Variants in ZC3H13 observed in about 807,000 individuals in gnomAD.
ZC3H13 encodes the protein zinc finger CCCH-type containing 13.
ZC3H13 carries 64 observed loss-of-function variants against 204.1 expected under a neutral mutation model. The ratio of observed to expected loss-of-function variants is 0.31; its 90% CI spans 0.26 to 0.39. ZC3H13 has a LOEUF of 0.39. ZC3H13 is among the 10% of genes least tolerant of loss of function. The pLI is 1.00. For missense variants in ZC3H13, 1,833 were observed against 2,082.7 expected (o/e 0.88, Z 2.33); for synonymous variants, 667 against 693.7 (o/e 0.96, Z 0.60).
intron 14 of ZC3H13, among the ~76,000 whole-genome samples, chr13:45,968,341 T>C (rs1952267151): frequency 1.3e-5 from 2 of 152,102 alleles, no homozygotes; most frequent in East Asian, 3.8e-4. Flanking sequence ...CATAAAATGA[T>C]TAGGCATTAA....
chr13:45,964,115 C>T, intron 16 of ZC3H13, 73 bp from the exon 17 acceptor site: 1 of 1,385,278 alleles, frequency 7.2e-7, no homozygotes, highest in East Asian at 2.3e-5. Context: ...TAGACATTTA[C>T]ATAAATCAAG....
chr13:46,011,290 T>C, intron 6 of ZC3H13, 125 bp downstream of exon 6: 1 of 750,292 alleles, frequency 1.3e-6, no homozygotes, highest in East Asian at 3.0e-5. Context: ...GTAGTACATA[T>C]ACAGTGGGTT....
chr13:45,982,162 TG>T (rs1330913451), intron 10 of ZC3H13, among the ~76,000 whole-genome samples: 11 of 151,788 alleles, frequency 7.2e-5, no homozygotes, highest in African/African-American at 2.4e-4. Flanking sequence ...AGAATACAAA[TG>T]TAACAGGCTT....
At position 45,979,872 on chromosome 13, in the gene ZC3H13, C is replaced by T; in HGVS notation, c.1853G>A (p.Arg618Lys). Residue 618 changes from arginine (R) to lysine (K), a missense_variant, in exon 11 of 19, where the codon AGG becomes AAG. Around this residue, in one of 5 missense-constraint regions of ZC3H13, gnomAD observed 1,574 missense variants for 1,757.2 expected, o/e 0.90. Coordinates refer to ENST00000679008, the MANE Select transcript of ZC3H13 (RefSeq NM_001330564.2). ...YPERDNRDQA[R>K]DSSFERRHGE... ...ATGTCTTCTCTCAAAGGAAGAATCC[C>T]TTGCTTGATCTCTGTTGTCTCTTTC... 1 of 1,607,968 alleles carries T rather than the reference C, an allele frequency of 6.2e-7. No homozygotes were observed. Among genetic ancestry groups the T allele is most frequent in the Non-Finnish European group, 8.5e-7 (1 of 1,177,174 alleles).
At chr13:46,037,999 T>A (rs534256688) in intron 4 of ZC3H13, among the ~76,000 whole-genome samples, 1 of 152,330 alleles carries the variant, frequency 6.6e-6, no homozygotes, top group Non-Finnish European at 1.5e-5. Context: ...CAATCATGGC[T>A]GCATATCAGA....
intron 4 of ZC3H13, among the ~76,000 whole-genome samples, chr13:46,040,908 G>A (rs2043534868): frequency 6.6e-6 from 1 of 152,094 alleles, no homozygotes; most frequent in Admixed American, 6.6e-5. Context: ...CATCAGGATG[G>A]CTATAATCAA....
At chr13:45,995,829 C>T (rs2040293558) in intron 8 of ZC3H13, among the ~76,000 whole-genome samples, 1 of 152,174 alleles carries the variant, frequency 6.6e-6, no homozygotes, top group South Asian at 2.1e-4. Flanking sequence ...TACCTTGTCC[C>T]AGGTATTTCT....
intron 8 of ZC3H13, among the ~76,000 whole-genome samples, chr13:46,001,003 G>A (rs1158520136): frequency 6.6e-6 from 1 of 152,156 alleles, no homozygotes; most frequent in Non-Finnish European, 1.5e-5. Context: ...CACATTTGCA[G>A]ATTAAGTTCA....
In ZC3H13 at chr13:45,954,660, C is replaced by T. The variant is rs368292171; in HGVS notation, c.*2467G>A. On this transcript the variant is annotated 3_prime_UTR_variant, in exon 19 of 19. Transcript: ENST00000679008. ...AAAATAGCAAGTTGAGGTGTAAAAG[C>T]ATCACCAACAATAGTATGTACCTTA... 2.0e-5 allele frequency: 3 copies of T among 152,276 alleles called. No homozygotes were observed. Among genetic ancestry groups the T allele is most frequent in the African/African-American group, 4.8e-5 (2 of 41,560 alleles). 9.4% of individuals were successfully genotyped at this position (152,276 alleles called of 1,614,324 possible). A position where few individuals can be genotyped will look rare whatever the true frequency, so the allele number is the denominator to read the frequency against.
At chr13:45,989,972 T>A (rs2039855079) in intron 8 of ZC3H13, among the ~76,000 whole-genome samples, 1 of 152,190 alleles carries the variant, frequency 6.6e-6, no homozygotes, top group Non-Finnish European at 1.5e-5. Context: ...TTCAAAAAAA[T>A]TCTGATTTTT....
intron 4 of ZC3H13, among the ~76,000 whole-genome samples, chr13:46,034,279 C>G (rs1230460338): frequency 1.3e-5 from 2 of 152,160 alleles, no homozygotes; most frequent in Non-Finnish European, 2.9e-5. Flanking sequence ...AGACACAGTT[C>G]TACCCCTAGA....
intron 7 of ZC3H13, among the ~76,000 whole-genome samples, chr13:46,004,664 G>A (rs2041004267): frequency 6.6e-6 from 1 of 152,014 alleles, no homozygotes; most frequent in Non-Finnish European, 1.5e-5. Flanking sequence ...TGGCTTCCAG[G>A]TTTTCATCAT....
Position 45,979,702 on chromosome 13 carries a change from G to A in ZC3H13, c.1912+111C>T. The A allele has an allele frequency of 2.7e-6, 3 of 1,093,106 alleles. No individual in the cohort carries two copies. In the South Asian group the frequency reaches 5.1e-5, roughly 19 times the overall value. 67.7% of individuals were successfully genotyped at this position (1,093,106 alleles called of 1,614,324 possible). ...ATAATAGTTTCAAATGTGTCATCGA[G>A]CACAAGCCTTAAAGTATATTTTATA... On this transcript the variant is annotated intron_variant, in intron 11 of 18. Transcript: ENST00000679008.
chr13:46,030,256 C>T (rs1321846432), intron 4 of ZC3H13, among the ~76,000 whole-genome samples: 1 of 152,204 alleles, frequency 6.6e-6, no homozygotes, highest in Non-Finnish European at 1.5e-5. Context: ...CTACAAAAAA[C>T]CCTACGGCTA....
At chr13:45,994,269 G>C (rs561106629) in intron 8 of ZC3H13, among the ~76,000 whole-genome samples, 1 of 152,284 alleles carries the variant, frequency 6.6e-6, no homozygotes, top group African/African-American at 2.4e-5. Context: ...TATGTTATCA[G>C]TAAAGTTTCC....
chr13:45,972,350 T>G (rs924011807), intron 12 of ZC3H13, among the ~76,000 whole-genome samples: 23 of 152,024 alleles, frequency 1.5e-4, no homozygotes, highest in Admixed American at 1.4e-3. Context: ...AATAATGTCT[T>G]TTGCAGCAAC....
In ZC3H13 at chr13:45,979,800, C is replaced by A. The variant is rs1484787301; in HGVS notation, c.1912+13G>T. ...ATATTGTTCACTATTTAATAAAATT[C>A]TGTTTGACAAACCTCTCTCTCTGTT... On this transcript the variant is annotated intron_variant, in intron 11 of 18. Coordinates refer to ENST00000679008, the MANE Select transcript of ZC3H13 (RefSeq NM_001330564.2). 6.5e-7 allele frequency: 1 copy of A among 1,545,646 alleles called. No homozygotes were observed. The highest frequency in any genetic ancestry group is 8.7e-7 in the Non-Finnish European group (1 of 1,152,010).
intron 5 of ZC3H13, among the ~76,000 whole-genome samples, chr13:46,012,493 T>C (rs1249220433): frequency 6.6e-6 from 1 of 152,150 alleles, no homozygotes; most frequent in African/African-American, 2.4e-5. Context: ...TAAGAAGTCC[T>C]ACTTGACTGC....
chr13:46,009,886 T>C (rs549296779), intron 7 of ZC3H13, among the ~76,000 whole-genome samples: 9 of 152,122 alleles, frequency 5.9e-5, no homozygotes, highest in African/African-American at 2.2e-4. Flanking sequence ...AGCAGACAAA[T>C]TTATAATATA....
Sources: gnomAD v4.1 joint callset for allele counts (sites outside exome capture counted in the v4.1 genomes callset) on GRCh38, gnomAD v4.1.1 for gene constraint, gnomAD v4.1.1 regional missense constraint, MANE v1.5 for transcripts, NCBI Gene and HGNC (gene_info 2026-07-23, HGNC 2026-07-21) for gene names.